The following NRCAM variants were observed in gnomAD, a reference collection of about 807,000 sequenced individuals.
The protein encoded by NRCAM is NgCAM-related cell adhesion molecule.
Under a neutral mutation model 156.5 loss-of-function variants are expected in NRCAM, and 83 were observed. That is an observed-to-expected ratio of 0.53 (90% confidence interval 0.44 to 0.64). The LOEUF is 0.64. Ranked by LOEUF, NRCAM falls within the 30% of genes least tolerant of loss-of-function variation. NRCAM has a pLI of 0.00. For synonymous variants in NRCAM, 538 were observed against 563.9 expected, an observed-to-expected ratio of 0.95 and a Z score of 0.65; for missense variants, 1,417 against 1,597.3, an observed-to-expected ratio of 0.89 and a Z score of 1.92.
chr7:108,279,590 C>T (rs1465701280), intron 3 of NRCAM, among the ~76,000 whole-genome samples: 2 of 151,918 alleles, frequency 1.3e-5, no homozygotes, highest in African/African-American at 2.4e-5. Flanking sequence ...GCGATAATAG[C>T]TCACTGTAGC....
At chr7:108,386,661 C>T (rs4730307) in intron 2 of NRCAM, among the ~76,000 whole-genome samples, 49,424 of 151,890 alleles carry the variant, frequency 0.33, 8,583 homozygotes, top group East Asian at 0.49. Flanking sequence ...TATAAACATA[C>T]ATAAAGACAC....
chr7:108,220,826 A>G (rs2091975076), intron 11 of NRCAM, among the ~76,000 whole-genome samples: 1 of 152,224 alleles, frequency 6.6e-6, no homozygotes, highest in Non-Finnish European at 1.5e-5. Context: ...AGCAAATGCA[A>G]TAAAAACAAA....
At chr7:108,445,252 C>A (rs78799403) in intron 1 of NRCAM, among the ~76,000 whole-genome samples, 1 of 152,218 alleles carries the variant, frequency 6.6e-6, no homozygotes, top group Non-Finnish European at 1.5e-5. Context: ...GAAGGACACA[C>A]TGCCGACAGC....
intron 1 of NRCAM, among the ~76,000 whole-genome samples, chr7:108,408,237 T>C (rs1790940216): frequency 6.6e-6 from 1 of 152,238 alleles, no homozygotes; most frequent in Admixed American, 6.5e-5. Context: ...ACATAGATTA[T>C]ATGCTTGTAT....
chr7:108,350,878 G>T (rs1377501637), intron 2 of NRCAM, among the ~76,000 whole-genome samples: 1 of 151,882 alleles, frequency 6.6e-6, no homozygotes. Context: ...CATAAATTTG[G>T]GTACTTGTTG....
At chr7:108,323,633 T>C (rs2099028903) in intron 2 of NRCAM, among the ~76,000 whole-genome samples, 1 of 152,218 alleles carries the variant, frequency 6.6e-6, no homozygotes, top group African/African-American at 2.4e-5. Flanking sequence ...TACCAGACAC[T>C]GTCCCAGGTG....
chr7:108,202,610 C>T (rs2078775758), intron 13 of NRCAM, among the ~76,000 whole-genome samples: 1 of 152,138 alleles, frequency 6.6e-6, no homozygotes, highest in African/African-American at 2.4e-5. Context: ...TTATTCCATC[C>T]CTACAAGAGG....
chr7:108,189,938 C>G (rs1039760075), intron 19 of NRCAM, among the ~76,000 whole-genome samples, 192 bp from the exon 20 acceptor site: 2 of 152,190 alleles, frequency 1.3e-5, no homozygotes, highest in Non-Finnish European at 2.9e-5. Context: ...GATAACCCAT[C>G]AATGAGTTCT....
intron 13 of NRCAM, among the ~76,000 whole-genome samples, chr7:108,204,237 C>T (rs760536470): frequency 9.2e-5 from 14 of 152,182 alleles, no homozygotes; most frequent in Non-Finnish European, 1.6e-4. Flanking sequence ...AGTTTCTGCA[C>T]CCCCCTCATT....
chr7:108,416,204 C>T (rs1801368677), intron 1 of NRCAM, among the ~76,000 whole-genome samples: 1 of 152,206 alleles, frequency 6.6e-6, no homozygotes, highest in Non-Finnish European at 1.5e-5. Context: ...GATTTGAATG[C>T]TGCATTTGCT....
chr7:108,170,951 TA>T (rs1356618557), intron 28 of NRCAM, among the ~76,000 whole-genome samples: 2 of 152,224 alleles, frequency 1.3e-5, no homozygotes, highest in Non-Finnish European at 2.9e-5. Flanking sequence ...ATTATATTAC[TA>T]ATTATAGTTA....
chr7:108,412,266 A>T (rs1164928973), intron 1 of NRCAM, among the ~76,000 whole-genome samples: 1 of 152,078 alleles, frequency 6.6e-6, no homozygotes, highest in Non-Finnish European at 1.5e-5. Flanking sequence ...TACAAAAAAA[A>T]AAACCCAAAA....
At chr7:108,162,808 C>T (rs1440534381) in intron 30 of NRCAM, among the ~76,000 whole-genome samples, 1 of 152,226 alleles carries the variant, frequency 6.6e-6, no homozygotes, top group Non-Finnish European at 1.5e-5. Context: ...CACATTCACA[C>T]ACACACAAGT....
intron 1 of NRCAM, among the ~76,000 whole-genome samples, chr7:108,455,341 G>A (rs1215400788): frequency 1.3e-5 from 2 of 152,204 alleles, no homozygotes; most frequent in African/African-American, 2.4e-5. Context: ...GGCGCTCGCT[G>A]CGAGATGGAT....
At chr7:108,380,161 T>C (rs2099694617) in intron 2 of NRCAM, among the ~76,000 whole-genome samples, 1 of 152,206 alleles carries the variant, frequency 6.6e-6, no homozygotes, top group African/African-American at 2.4e-5. Flanking sequence ...AACACTCACA[T>C]AATTTGGAAT....
chr7:108,416,043 T>C (rs1361233498), intron 1 of NRCAM, among the ~76,000 whole-genome samples: 1 of 152,164 alleles, frequency 6.6e-6, no homozygotes, highest in African/African-American at 2.4e-5. Context: ...TGAGAGATGC[T>C]GCAAACATTT....
At chr7:108,445,541 G>A (rs546885231) in intron 1 of NRCAM, among the ~76,000 whole-genome samples, 6 of 152,242 alleles carry the variant, frequency 3.9e-5, no homozygotes, top group East Asian at 3.9e-4. Context: ...ACAGATTTAC[G>A]TCATCTTTCT....
chr7:108,251,833 T>A (rs1438538626), intron 3 of NRCAM, among the ~76,000 whole-genome samples: 1 of 152,052 alleles, frequency 6.6e-6, no homozygotes, highest in African/African-American at 2.4e-5. Context: ...CCAAGTTGGA[T>A]AATATGAGAG....
intron 2 of NRCAM, among the ~76,000 whole-genome samples, chr7:108,397,942 A>G (rs2099781674): frequency 1.3e-5 from 2 of 152,256 alleles, no homozygotes; most frequent in Non-Finnish European, 2.9e-5. Flanking sequence ...AACAGCAGAT[A>G]ATGTCAGAAT....
Sources: allele counts gnomAD v4.1 joint callset (sites outside exome capture counted in the v4.1 genomes callset), GRCh38; gene constraint gnomAD v4.1.1; transcripts MANE v1.5; gene names NCBI Gene and HGNC (gene_info 2026-07-23, HGNC 2026-07-21).